The following ADARB2 variants were observed in gnomAD, a reference collection of about 807,000 sequenced individuals.
ADARB2 encodes the protein adenosine deaminase RNA specific B2 (inactive).
In ADARB2, 25 loss-of-function variants were observed where a neutral mutation model predicts 62.2. That is an observed-to-expected ratio of 0.40 (90% CI 0.29 to 0.56). The LOEUF (loss-of-function observed/expected upper bound fraction) is 0.56. Ranked by LOEUF, ADARB2 falls within the 20% of genes least tolerant of loss-of-function variation. The pLI, the probability that ADARB2 is intolerant of heterozygous loss-of-function variation, is 0.43. For missense variants in ADARB2, 1,071 were observed against 1,077.4 expected, an observed-to-expected ratio of 0.99 and a Z score of 0.08; for synonymous variants, 572 against 500.8, an observed-to-expected ratio of 1.14 and a Z score of -1.90.
At chr10:1,404,696 C>T (rs535629375) in intron 1 of ADARB2, among the ~76,000 whole-genome samples, 21 of 152,308 alleles carry the variant, frequency 1.4e-4, no homozygotes, top group African/African-American at 4.3e-4. Context: ...GTAAGCTCGC[C>T]GGCTTCGGGG....
At chr10:1,460,046 A>AACAAACCT (rs1831151044) in intron 1 of ADARB2, among the ~76,000 whole-genome samples, 2 of 69,702 alleles carry the variant, frequency 2.9e-5, no homozygotes, top group African/African-American at 9.3e-5. Flanking sequence ...TTACCTGTGT[A>AACAAACCT]GCAAACCTGC....
chr10:1,494,278 T>C (rs1375640185), intron 1 of ADARB2, among the ~76,000 whole-genome samples: 2 of 152,232 alleles, frequency 1.3e-5, no homozygotes, highest in African/African-American at 4.8e-5. Flanking sequence ...CCATGTCTCC[T>C]GAGAGGCAGC....
At chr10:1,523,090 A>G (rs1241232855) in intron 1 of ADARB2, among the ~76,000 whole-genome samples, 1 of 152,222 alleles carries the variant, frequency 6.6e-6, no homozygotes, top group Middle Eastern at 3.2e-3. Flanking sequence ...TCACGTTTCT[A>G]TAGCAAATCG....
chr10:1,373,519 ATGTGTGAC>A (rs774344397), intron 2 of ADARB2, among the ~76,000 whole-genome samples: 38 of 152,264 alleles, frequency 2.5e-4, no homozygotes, highest in Non-Finnish European at 3.4e-4. Context: ...GTAATTGTGC[ATGTGTGAC>A]TGTGTGACTG....
chr10:1,647,675 T>C (rs1834061320), intron 1 of ADARB2, among the ~76,000 whole-genome samples: 1 of 152,076 alleles, frequency 6.6e-6, no homozygotes, highest in Non-Finnish European at 1.5e-5. Context: ...TGTGTATGTG[T>C]GTATACATGT....
intron 3 of ADARB2, among the ~76,000 whole-genome samples, chr10:1,339,233 AG>A (rs1003250397): frequency 6.6e-6 from 1 of 152,224 alleles, no homozygotes; most frequent in African/African-American, 2.4e-5. Context: ...CCCCATGGAA[AG>A]GGTGGGTCAA....
chr10:1,368,966 G>GA (rs1282287347), intron 2 of ADARB2, among the ~76,000 whole-genome samples: 9 of 151,758 alleles, frequency 5.9e-5, no homozygotes, highest in Non-Finnish European at 8.8e-5. Flanking sequence ...GGTGGGAGCT[G>GA]GTCCTAGGGG....
chr10:1,681,778 C>T (rs2119117677), intron 1 of ADARB2, among the ~76,000 whole-genome samples: 1 of 152,334 alleles, frequency 6.6e-6, no homozygotes, highest in East Asian at 1.9e-4. Flanking sequence ...ATTTTACATG[C>T]AATCAAATAC....
rs192177966 is a variant in ADARB2, at chr10:1,606,981, C to G, written c.100+130070G>C. Among the ~76,000 whole-genome samples the G allele has an allele frequency of 4.2e-3, 646 of 152,306 alleles. 4 individuals are homozygous for G. The highest frequency in any genetic ancestry group is 8.5e-3 in the South Asian group (41 of 4,818). On this transcript the variant is annotated intron_variant, in intron 1 of 9. Transcript: ENST00000381312. ...GGCAAAGAATGAAGAATTCCACCAT[C>G]TACTTAAACTGCCAAAAGGAGTGAG... is the stretch of plus-strand genomic sequence containing the variant.
Position 1,610,377 on chromosome 10 carries a change from C to T in ADARB2, c.100+126674G>A, listed in dbSNP as rs538096934. On this transcript the variant is annotated intron_variant, in intron 1 of 9. Transcript: ENST00000381312. ...AGGGCCAGAAACAGGCTTTGCTCCC[C>T]TCTGTCCCCACACTCAGTGATGAAC... 5.3e-5 allele frequency among the ~76,000 whole-genome samples: 8 copies of T among 152,334 alleles called. No individual in the cohort carries two copies. The South Asian group carries it at 1.7e-3, about 32-fold the overall frequency.
At chr10:1,599,159 A>G (rs1005575542) in intron 1 of ADARB2, among the ~76,000 whole-genome samples, 4 of 152,212 alleles carry the variant, frequency 2.6e-5, no homozygotes, top group African/African-American at 9.6e-5. Flanking sequence ...TTCCCAGTTT[A>G]TGATTGGCAC....
At chr10:1,678,669 AG>A (rs1484370703) in intron 1 of ADARB2, among the ~76,000 whole-genome samples, 1 of 152,036 alleles carries the variant, frequency 6.6e-6, no homozygotes, top group Non-Finnish European at 1.5e-5. Context: ...GTTCACAGCC[AG>A]GGGCCCAGTT....
intron 1 of ADARB2, among the ~76,000 whole-genome samples, chr10:1,582,397 C>A (rs1297192779): frequency 6.6e-6 from 1 of 152,206 alleles, no homozygotes; most frequent in Non-Finnish European, 1.5e-5. Flanking sequence ...GCGTTTGACT[C>A]CACATTTTAT....
Position 1,200,074 on chromosome 10 carries a change from C to A in ADARB2, c.1756G>T (p.Val586Leu). ...VEPVYLQSIV[V>L]GSLHHTGHLA... is the part of the protein sequence containing the mutation. Reference sequence around the variant, plus strand: ...TGGCCCGTGTGGTGCAGGCTGCCCACCACGATGCTCTGCAGGTACACGGGC... The same window carrying A: ...TGGCCCGTGTGGTGCAGGCTGCCCAACACGATGCTCTGCAGGTACACGGGC... Residue 586 changes from valine to leucine, a missense_variant, in exon 8 of 10, where the codon GTG becomes TTG. Val to Leu is a conservative substitution (Grantham distance 32, BLOSUM62 1). Transcript: ENST00000381312. 1.9e-6 allele frequency: 3 copies of A among 1,580,384 alleles called. No individual in the cohort carries two copies. The highest frequency in any genetic ancestry group is 2.6e-6 in the Non-Finnish European group (3 of 1,165,832).
At chr10:1,376,773 C>G (rs890975302) in intron 2 of ADARB2, among the ~76,000 whole-genome samples, 1 of 151,044 alleles carries the variant, frequency 6.6e-6, no homozygotes, top group Non-Finnish European at 1.5e-5. Context: ...GCCGGGATCC[C>G]AGCAGCTCCA....
At chr10:1,553,590 C>T (rs991477207) in intron 1 of ADARB2, among the ~76,000 whole-genome samples, 1 of 152,144 alleles carries the variant, frequency 6.6e-6, no homozygotes, top group African/African-American at 2.4e-5. Flanking sequence ...TCGAGGAGGC[C>T]GGCTCCGTCT....
intron 1 of ADARB2, among the ~76,000 whole-genome samples, chr10:1,634,209 G>A (rs551711963): frequency 1.3e-5 from 2 of 152,308 alleles, no homozygotes; most frequent in Admixed American, 6.5e-5. Context: ...TCCTTCAGCC[G>A]AAAGTGGACT....
chr10:1,296,970 C>T (rs1186329349), intron 3 of ADARB2, among the ~76,000 whole-genome samples: 1 of 152,224 alleles, frequency 6.6e-6, no homozygotes, highest in Non-Finnish European at 1.5e-5. Context: ...CCCATCTCTC[C>T]AGTATTTTAT....
At chr10:1,596,091 C>T (rs1833330839) in intron 1 of ADARB2, among the ~76,000 whole-genome samples, 1 of 152,182 alleles carries the variant, frequency 6.6e-6, no homozygotes. Context: ...TGGTAACCAG[C>T]CAGGTGCAAG....
Sources: allele counts gnomAD v4.1 joint callset (sites outside exome capture counted in the v4.1 genomes callset), GRCh38; gene constraint gnomAD v4.1.1; transcripts MANE v1.5; gene names NCBI Gene and HGNC (gene_info 2026-07-23, HGNC 2026-07-21).